Variants in RAB3IP observed in about 807,000 individuals in gnomAD.
The protein encoded by RAB3IP is rab-3A-interacting protein.
Under a neutral mutation model 59.1 loss-of-function variants are expected in RAB3IP, and 36 were observed. The ratio of observed to expected loss-of-function variants is 0.61; its 90% CI spans 0.47 to 0.80. The LOEUF (loss-of-function observed/expected upper bound fraction) is 0.80, where lower values mean the gene tolerates loss of function less well. Among genes scored for constraint, RAB3IP ranks in the 30% least tolerant of loss-of-function variants. The pLI is 0.00. For missense variants in RAB3IP, 511 were observed against 536.0 expected (o/e 0.95, Z 0.46); for synonymous variants, 207 against 191.2 (o/e 1.08, Z -0.68).
intron 1 of RAB3IP, among the ~76,000 whole-genome samples, chr12:69,754,241 G>A (rs1869806106): frequency 6.6e-6 from 1 of 151,968 alleles, no homozygotes. Context: ...TGATTAGATG[G>A]TAATTTTAAT....
chr12:69,783,596 A>C (rs537905543), intron 3 of RAB3IP, among the ~76,000 whole-genome samples: 1 of 152,270 alleles, frequency 6.6e-6, no homozygotes, highest in African/African-American at 2.4e-5. Flanking sequence ...AGGACTGACT[A>C]TACAGGTTTT....
At chr12:69,738,616 C>T (rs973386887), upstream of RAB3IP, 17 of 151,960 alleles carry the variant, frequency 1.1e-4, no homozygotes, top group African/African-American at 4.1e-4. Context: ...AGCGCGGGCC[C>T]GACGAAACAG....
At chr12:69,742,823 T>C (rs1887482117) in intron 1 of RAB3IP, among the ~76,000 whole-genome samples, 2 of 152,226 alleles carry the variant, frequency 1.3e-5, no homozygotes, top group South Asian at 4.1e-4. Context: ...GAGGTAGTTT[T>C]ATAAGCTTAC....
intron 6 of RAB3IP, among the ~76,000 whole-genome samples, chr12:69,798,357 T>A (rs1345640712): frequency 6.7e-6 from 1 of 148,594 alleles, no homozygotes; most frequent in African/African-American, 2.5e-5. Context: ...CTTCGCCCAC[T>A]TTTTGATGGG....
intron 2 of RAB3IP, among the ~76,000 whole-genome samples, 162 bp from the exon 3 acceptor site, chr12:69,756,243 C>G (rs1565877322): frequency 6.6e-6 from 1 of 152,158 alleles, no homozygotes; most frequent in Admixed American, 6.5e-5. Flanking sequence ...CCACATGTAG[C>G]TATTGAGCAC....
At position 69,819,207 on chromosome 12, in the gene RAB3IP, A is replaced by G. The variant is rs374374980; in HGVS notation, c.*3761A>G. ...CAGTTATATGTGCCTTCATTCCAAAACAAAAAATAAAAGGTAAGAAAATTG... is the reference window on the plus strand; with the variant it reads ...CAGTTATATGTGCCTTCATTCCAAAGCAAAAAATAAAAGGTAAGAAAATTG... On this transcript the variant is annotated 3_prime_UTR_variant, in exon 11 of 11. Coordinates refer to ENST00000247833, the MANE Select transcript of RAB3IP (RefSeq NM_022456.5). 1 of 152,256 alleles carries G rather than the reference A, an allele frequency of 6.6e-6. No individual in the cohort carries two copies. Among genetic ancestry groups the G allele is most frequent in the Non-Finnish European group, 1.5e-5 (1 of 68,048 alleles). 9.4% of individuals were successfully genotyped at this position (152,256 alleles called of 1,614,324 possible).
intron 3 of RAB3IP, among the ~76,000 whole-genome samples, chr12:69,781,115 T>G (rs1394012828): frequency 1.3e-5 from 2 of 152,206 alleles, no homozygotes; most frequent in African/African-American, 4.8e-5. Context: ...TCTTATAATT[T>G]TTTTGGTTTT....
intron 1 of RAB3IP, among the ~76,000 whole-genome samples, chr12:69,750,237 G>T (rs1869025087): frequency 6.6e-6 from 1 of 152,164 alleles, no homozygotes. Flanking sequence ...TTAACTTCCT[G>T]TGAGATTGGG....
rs904177565 is a variant in RAB3IP at position 69,823,181 on chromosome 12, A to C, written c.*7735A>C. 1 of 152,142 alleles carries C rather than the reference A, an allele frequency of 6.6e-6. No homozygotes were observed. The highest frequency in any genetic ancestry group is 2.4e-5 in the African/African-American group (1 of 41,442). 9.4% of individuals were successfully genotyped at this position (152,142 alleles called of 1,614,324 possible). A position where few individuals can be genotyped will look rare whatever the true frequency, so the allele number is the denominator to read the frequency against. ...TATTATTTGTTAATTAAAAAAATAA[A>C]AAAAAGACCCACCCACTGTTTAAGT... On this transcript the variant is annotated 3_prime_UTR_variant, in exon 11 of 11. Transcript: ENST00000247833.
chr12:69,813,568 A>G (rs1880763772), intron 10 of RAB3IP, among the ~76,000 whole-genome samples: 2 of 152,288 alleles, frequency 1.3e-5, no homozygotes, highest in Admixed American at 1.3e-4. Flanking sequence ...TATCCAGGAG[A>G]ACCAACCTCA....
rs1217635994 is a variant in RAB3IP at position 69,755,658 on chromosome 12, A to G, written c.250A>G (p.Ser84Gly). 3 of 1,606,718 alleles carry G rather than the reference A, an allele frequency of 1.9e-6. No homozygotes were observed. The highest frequency in any genetic ancestry group is 1.7e-5 in the Admixed American group (1 of 59,656). ...AAATTGTGCGGAAATATCTAGTATC[A>G]GGTAGGAAATAAGTAAATCACTTAT... ...RLNCAEISSISFHVTDPAPCS... is the reference protein window; with the variant it reads ...RLNCAEISSIGFHVTDPAPCS... Residue 84 changes from serine (S) to glycine (G), a missense_variant and splice_region_variant, in exon 2 of 11, where the codon AGC becomes GGC. Transcript: ENST00000247833.
At chr12:69,743,887 C>T (rs1201296742) in intron 1 of RAB3IP, among the ~76,000 whole-genome samples, 5 of 148,264 alleles carry the variant, frequency 3.4e-5, no homozygotes, top group African/African-American at 1.0e-4. Flanking sequence ...TTAGTCAGTG[C>T]GTATTTCAGC....
At chr12:69,809,351 C>G (rs1880017869) in intron 8 of RAB3IP, among the ~76,000 whole-genome samples, 1 of 152,150 alleles carries the variant, frequency 6.6e-6, no homozygotes, top group Admixed American at 6.5e-5. Context: ...TTTATTTCAA[C>G]TTTGGTGAAT....
chr12:69,799,534 G>A lies in RAB3IP; in HGVS notation c.889-675G>A, dbSNP rs192435421. ...TGGATTATTATTGATGCCTAAGATG[G>A]TAGTTACTGGGTGCCAAAAATATGT... On this transcript the variant is annotated intron_variant, in intron 6 of 10. Transcript: ENST00000247833. Among the ~76,000 whole-genome samples the A allele has an allele frequency of 1.4e-3, 213 of 152,240 alleles. 1 individual carries two copies. Among genetic ancestry groups the A allele is most frequent in the African/African-American group, 5.1e-3 (210 of 41,542 alleles).
At position 69,821,679 on chromosome 12, in the gene RAB3IP, T is replaced by G. The variant is rs1881763114; in HGVS notation, c.*6233T>G. 2 of 152,222 alleles carry G rather than the reference T, an allele frequency of 1.3e-5. No homozygotes were observed. Among genetic ancestry groups the G allele is most frequent in the Admixed American group, 1.3e-4 (2 of 15,282 alleles). The allele number at this position is 152,222 out of a possible 1,614,324, so 9.4% of individuals were successfully genotyped here. ...TTTAAAAATGAGGAAATCTAAAATC[T>G]GCATTTCAAGCTGCTCTTTTTTAAA... On this transcript the variant is annotated 3_prime_UTR_variant, in exon 11 of 11. Coordinates refer to ENST00000247833, the MANE Select transcript of RAB3IP (RefSeq NM_022456.5).
chr12:69,789,577 A>T (rs1876274607), intron 4 of RAB3IP, among the ~76,000 whole-genome samples: 1 of 152,146 alleles, frequency 6.6e-6, no homozygotes, highest in Non-Finnish European at 1.5e-5. Flanking sequence ...ACCCTTCCAA[A>T]CTCATTTTAT....
At chr12:69,809,305 C>A (rs1386110578) in intron 8 of RAB3IP, among the ~76,000 whole-genome samples, 2 of 152,104 alleles carry the variant, frequency 1.3e-5, no homozygotes, top group Non-Finnish European at 2.9e-5. Flanking sequence ...GTGGGTAACC[C>A]GACCTTTCTC....
At position 69,812,775 on chromosome 12, in the gene RAB3IP, C is replaced by T; in HGVS notation, c.1131-3C>T. ...AAAACTGAAATTTATCATTATTTCA[C>T]AGAAAATGTGCTCTCACTGGCCAGA... On this transcript the variant is annotated splice_region_variant and splice_polypyrimidine_tract_variant and intron_variant, in intron 8 of 10. Coordinates refer to ENST00000247833, the MANE Select transcript of RAB3IP (RefSeq NM_022456.5). The T allele has an allele frequency of 1.9e-6, 3 of 1,587,500 alleles. No homozygotes were observed. Among genetic ancestry groups the T allele is most frequent in the Non-Finnish European group, 2.6e-6 (3 of 1,165,236 alleles).
chr12:69,799,673 C>A (rs553499855), intron 6 of RAB3IP, among the ~76,000 whole-genome samples: 1 of 152,000 alleles, frequency 6.6e-6, no homozygotes, highest in East Asian at 1.9e-4. Context: ...TTTTGGAATG[C>A]CTTCAAGTTA....
Sources: gnomAD v4.1 joint callset for allele counts (sites outside exome capture counted in the v4.1 genomes callset) on GRCh38, gnomAD v4.1.1 for gene constraint, MANE v1.5 for transcripts, NCBI Gene and HGNC (gene_info 2026-07-23, HGNC 2026-07-21) for gene names.